ARB2A: variants seen among roughly 807,000 people sequenced by gnomAD.
ARB2A encodes the protein cotranscriptional regulator ARB2A.
At chr5:93,831,805 T>C in the ARB2A span, among the ~76,000 whole-genome samples, 1 of 152,172 alleles carries the variant, frequency 6.6e-6, no homozygotes, top group Non-Finnish European at 1.5e-5. Flanking sequence ...CCACAGTCGA[T>C]GGAGATAATA....
the ARB2A span, among the ~76,000 whole-genome samples, chr5:93,662,324 A>G: frequency 6.6e-6 from 1 of 152,166 alleles, no homozygotes; most frequent in African/African-American, 2.4e-5. Flanking sequence ...CCCATATTGG[A>G]TAAGAGTAAA....
chr5:93,971,672 T>C, the ARB2A span, among the ~76,000 whole-genome samples: 3 of 152,142 alleles, frequency 2.0e-5, no homozygotes, highest in Non-Finnish European at 2.9e-5. Flanking sequence ...TTGCTTATTA[T>C]GATTAATAAA....
At chr5:93,886,634 A>C in the ARB2A span, among the ~76,000 whole-genome samples, 3 of 151,612 alleles carry the variant, frequency 2.0e-5, no homozygotes, top group Non-Finnish European at 3.0e-5. Flanking sequence ...GGTCATGACA[A>C]CCAATCAGAA....
chr5:93,723,679 T>C, the ARB2A span, among the ~76,000 whole-genome samples: 9 of 152,114 alleles, frequency 5.9e-5, no homozygotes, highest in South Asian at 6.2e-4. Context: ...GAGCTAGTTA[T>C]ACCTTATCGA....
the ARB2A span, among the ~76,000 whole-genome samples, chr5:93,887,365 T>C: frequency 2.0e-5 from 3 of 151,742 alleles, no homozygotes; most frequent in African/African-American, 7.3e-5. Flanking sequence ...CACTGAAATG[T>C]GCTCAAAGGA....
chr5:93,985,307 C>T, the ARB2A span, among the ~76,000 whole-genome samples: 7 of 151,546 alleles, frequency 4.6e-5, no homozygotes, highest in African/African-American at 1.7e-4. Flanking sequence ...TTTAATCAAT[C>T]AATTTTTAAG....
chr5:93,818,118 G>T, the ARB2A span, among the ~76,000 whole-genome samples: 1 of 134,346 alleles, frequency 7.4e-6, no homozygotes, highest in Non-Finnish European at 1.6e-5. Flanking sequence ...AAATGAAAAA[G>T]AAAAAAAAAA....
the ARB2A span, among the ~76,000 whole-genome samples, chr5:93,763,155 C>T: frequency 6.6e-6 from 1 of 151,612 alleles, no homozygotes; most frequent in African/African-American, 2.4e-5. Context: ...GCAAAATAAC[C>T]AGCTAACATC....
chr5:94,082,407 G>A, the ARB2A span, among the ~76,000 whole-genome samples: 2 of 152,230 alleles, frequency 1.3e-5, no homozygotes, highest in African/African-American at 4.8e-5. Flanking sequence ...AGTTAGAAAT[G>A]TACCATTTGC....
the ARB2A span, among the ~76,000 whole-genome samples, chr5:93,707,906 A>C: frequency 2.0e-5 from 3 of 151,974 alleles, no homozygotes; most frequent in Admixed American, 6.6e-5. Context: ...TTGATCTTTA[A>C]ATTATTTGGA....
the ARB2A span, among the ~76,000 whole-genome samples, chr5:94,090,221 T>C: frequency 6.6e-6 from 1 of 152,172 alleles, no homozygotes; most frequent in East Asian, 1.9e-4. Flanking sequence ...TTTGTAGTTC[T>C]CCTTGAAGAA....
At chr5:94,030,052 A>G in the ARB2A span, among the ~76,000 whole-genome samples, 3 of 152,200 alleles carry the variant, frequency 2.0e-5, no homozygotes, top group Non-Finnish European at 4.4e-5. Context: ...CACTATCTTG[A>G]GAACAGCACA....
At chr5:94,029,164 G>C in the ARB2A span, among the ~76,000 whole-genome samples, 3 of 152,082 alleles carry the variant, frequency 2.0e-5, no homozygotes, top group Admixed American at 2.0e-4. Flanking sequence ...GCTAATTTTT[G>C]TATTTTTAGT....
chr5:94,070,507 T>C, the ARB2A span, among the ~76,000 whole-genome samples: 4 of 152,026 alleles, frequency 2.6e-5, no homozygotes, highest in African/African-American at 4.8e-5. Flanking sequence ...TCCCAACACA[T>C]AGAAATCATA....
At chr5:93,924,130 A>G in the ARB2A span, among the ~76,000 whole-genome samples, 1 of 152,202 alleles carries the variant, frequency 6.6e-6, no homozygotes, top group Non-Finnish European at 1.5e-5. Context: ...AGGTCTTCAG[A>G]GAACCTCGAT....
chr5:94,009,847 T>C, the ARB2A span, among the ~76,000 whole-genome samples: 1 of 152,048 alleles, frequency 6.6e-6, no homozygotes, highest in Non-Finnish European at 1.5e-5. Context: ...TTCTCTACTA[T>C]TGTTTGATAT....
the ARB2A span, among the ~76,000 whole-genome samples, chr5:93,929,021 A>C: frequency 4.2e-4 from 64 of 152,152 alleles, 1 homozygote; most frequent in South Asian, 8.9e-3. Context: ...TTTTGATATT[A>C]GTCTTCAAAT....
chr5:93,865,220 TACA>T, the ARB2A span: 1 of 178,782 alleles, frequency 5.6e-6, no homozygotes, highest in Non-Finnish European at 1.1e-5. Context: ...TAGCTGAGCC[TACA>T]GGTGCCTGCC....
At chr5:93,911,301 G>A in the ARB2A span, among the ~76,000 whole-genome samples, 10 of 151,702 alleles carry the variant, frequency 6.6e-5, no homozygotes, top group South Asian at 8.3e-4. Flanking sequence ...AGACCCTTGC[G>A]ATTGTTTTCC....
Sources: gnomAD v4.1 joint callset for allele counts (sites outside exome capture counted in the v4.1 genomes callset) on GRCh38, gnomAD v4.1.1 for gene constraint, MANE v1.5 for transcripts, NCBI Gene and HGNC (gene_info 2026-07-23, HGNC 2026-07-21) for gene names.